Variants in PRKAG2 observed in about 807,000 individuals in gnomAD.
The protein encoded by PRKAG2 is protein kinase AMP-activated non-catalytic subunit gamma 2.
In PRKAG2, 26 loss-of-function variants were observed where a neutral mutation model predicts 69.6. That is an observed-to-expected ratio of 0.37 (90% CI 0.27 to 0.52). The LOEUF is 0.52. Among genes scored for constraint, PRKAG2 ranks in the 20% least tolerant of loss-of-function variants. The pLI, the probability that PRKAG2 is intolerant of heterozygous loss-of-function variation, is 0.90. For missense variants in PRKAG2, 557 were observed against 740.0 expected (o/e 0.75, Z 2.87); for synonymous variants, 293 against 285.0 (o/e 1.03, Z -0.28).
At chr7:151,713,586 A>T (rs1585986641) in intron 3 of PRKAG2, among the ~76,000 whole-genome samples, 4 of 142,108 alleles carry the variant, frequency 2.8e-5, no homozygotes, top group Admixed American at 7.0e-5. Flanking sequence ...TGCTTTTTTA[A>T]TTTTTTTTTT....
rs1554447141 is a variant in PRKAG2, at chr7:151,557,909, A to ATC, written c.1679-678_1679-677insGA. The ATC allele has an allele frequency of 5.1e-6, 5 of 978,920 alleles. No individual in the cohort carries two copies. The South Asian group carries it at 1.9e-4, about 37-fold the overall frequency. The allele number at this position is 978,920 out of a possible 1,614,324, so 60.6% of individuals were successfully genotyped here. On this transcript the variant is annotated intron_variant, in intron 15 of 15. Coordinates refer to ENST00000287878, the MANE Select transcript of PRKAG2 (RefSeq NM_016203.4). The stretch of plus-strand genomic sequence containing the variant: ...AAAAAAACAAAAAAACAAAAAAAAA[A>ATC]CCTTTATAAATATTCTGAAGGATAA...
intron 3 of PRKAG2, among the ~76,000 whole-genome samples, chr7:151,742,689 AGACCAGAC>A (rs1362519244): frequency 6.6e-6 from 1 of 152,146 alleles, no homozygotes; most frequent in African/African-American, 2.4e-5. Flanking sequence ...CTCGCAACAC[AGACCAGAC>A]GAGTCAGGAG....
rs182667734 is a variant in PRKAG2 at position 151,645,576 on chromosome 7, T to A, written c.685-13438A>T. On this transcript the variant is annotated intron_variant, in intron 4 of 15. Coordinates refer to ENST00000287878, the MANE Select transcript of PRKAG2 (RefSeq NM_016203.4). ...TCTCTTACACAACTAGATAATACAA[T>A]GGGTTTTAAAAAAATGCATTTAGGA... is the stretch of plus-strand genomic sequence containing the variant. Among the ~76,000 whole-genome samples the A allele has an allele frequency of 2.2e-4, 33 of 152,266 alleles. No individual in the cohort carries two copies. In the East Asian group the frequency reaches 5.4e-3, roughly 25 times the overall value.
At chr7:151,769,305 A>T (rs1467397851) in intron 3 of PRKAG2, among the ~76,000 whole-genome samples, 1 of 152,224 alleles carries the variant, frequency 6.6e-6, no homozygotes, top group Non-Finnish European at 1.5e-5. Context: ...TTTCCTTTCC[A>T]GAACCTCAGA....
chr7:151,826,420 T>C (rs1387287737), intron 1 of PRKAG2, among the ~76,000 whole-genome samples: 1 of 152,132 alleles, frequency 6.6e-6, no homozygotes, highest in African/African-American at 2.4e-5. Flanking sequence ...TGATCTTAGG[T>C]GATCCACTTG....
At chr7:151,782,365 G>GAAAGA (rs2076747451) in intron 2 of PRKAG2, among the ~76,000 whole-genome samples, 2 of 84,438 alleles carry the variant, frequency 2.4e-5, no homozygotes, top group African/African-American at 1.1e-4. Context: ...GGGAGGGAGG[G>GAAAGA]AGGGAGGGAA....
chr7:151,778,142 C>G (rs4726092), intron 3 of PRKAG2, among the ~76,000 whole-genome samples: 77,234 of 151,924 alleles, frequency 0.51, 21,350 homozygotes, highest in Middle Eastern at 0.67. Context: ...GTTTCCACAC[C>G]ACTGTGATCT....
chr7:151,727,879 G>C (rs1252334784), intron 3 of PRKAG2, among the ~76,000 whole-genome samples: 2 of 152,180 alleles, frequency 1.3e-5, no homozygotes, highest in Non-Finnish European at 2.9e-5. Context: ...AAGCATCTTA[G>C]TGATGTGAGT....
intron 6 of PRKAG2, among the ~76,000 whole-genome samples, chr7:151,584,699 C>T (rs1239051607): frequency 1.3e-5 from 2 of 152,108 alleles, no homozygotes; most frequent in Non-Finnish European, 2.9e-5. Context: ...GGGTTCAAGA[C>T]CCAGCTGGGC....
intron 4 of PRKAG2, among the ~76,000 whole-genome samples, chr7:151,651,600 C>T (rs1197287124): frequency 6.6e-6 from 1 of 152,052 alleles, no homozygotes; most frequent in Non-Finnish European, 1.5e-5. Context: ...GGGCGAGACT[C>T]CACCTAAAAA....
rs2076644050 is a variant in PRKAG2 at position 151,781,097 on chromosome 7, G to A, written c.466+55C>T. The A allele has an allele frequency of 1.9e-6, 3 of 1,608,240 alleles. No homozygotes were observed. Among genetic ancestry groups the A allele is most frequent in the Admixed American group, 3.3e-5 (2 of 59,992 alleles). ...GTGCCACCGTGGATGTGTGGCTGCAGAAGAGACCCCCAGCACCCCAGCACC... is the reference window on the plus strand; with the variant it reads ...GTGCCACCGTGGATGTGTGGCTGCAAAAGAGACCCCCAGCACCCCAGCACC... On this transcript the variant is annotated intron_variant, in intron 3 of 15. Transcript: ENST00000287878. This position sits in a 1 kb window ranked among gnomAD's most constrained non-coding sequence, Gnocchi z 6.1.
chr7:151,644,424 A>G (rs949956453), intron 4 of PRKAG2, among the ~76,000 whole-genome samples: 2 of 152,192 alleles, frequency 1.3e-5, no homozygotes, highest in Non-Finnish European at 2.9e-5. Flanking sequence ...AATTTTGTGT[A>G]TATGGAATCA....
chr7:151,672,291 C>T (rs987319842), intron 4 of PRKAG2, among the ~76,000 whole-genome samples: 10 of 151,522 alleles, frequency 6.6e-5, no homozygotes, highest in Admixed American at 5.3e-4. Context: ...TTAGGAGAGA[C>T]GGGGCTTCAC....
chr7:151,701,345 G>T (rs1368694846), intron 3 of PRKAG2, among the ~76,000 whole-genome samples: 1 of 152,180 alleles, frequency 6.6e-6, no homozygotes, highest in East Asian at 1.9e-4. Flanking sequence ...TCCCCAAAAA[G>T]ATACAATGAA....
At position 151,801,347 on chromosome 7, in the gene PRKAG2, C is replaced by T. The variant is rs368400220; in HGVS notation, c.115-14806G>A. Among the ~76,000 whole-genome samples the T allele has an allele frequency of 2.6e-5, 4 of 152,334 alleles. No homozygotes were observed. The South Asian group carries it at 8.3e-4, about 32-fold the overall frequency. On this transcript the variant is annotated intron_variant, in intron 1 of 15. Transcript: ENST00000287878. ...TCAGAGATTAAATACCTTGCTGGGG[C>T]TGGGCAGCAAGGAAGCTGGGAGAAG...
intron 3 of PRKAG2, 36 bp from the exon 4 acceptor site, chr7:151,675,673 G>C (rs1563401795): frequency 6.4e-7 from 1 of 1,573,274 alleles, no homozygotes; most frequent in South Asian, 1.1e-5. Flanking sequence ...CAGAGGTCCG[G>C]CTTCCAGGAA....
rs1012988382 is a variant in PRKAG2, at chr7:151,693,225, G to C, written c.467-17588C>G. 2.4e-4 allele frequency among the ~76,000 whole-genome samples: 36 copies of C among 152,230 alleles called. 1 individual carries two copies. Among genetic ancestry groups the C allele is most frequent in the Admixed American group, 2.4e-3 (36 of 15,290 alleles). ...TGGCACAGGTCCGAACATGCAGAAA[G>C]CCTGATGATGTCCTGCTGCCCAGGG... On this transcript the variant is annotated intron_variant, in intron 3 of 15. Coordinates refer to ENST00000287878, the MANE Select transcript of PRKAG2 (RefSeq NM_016203.4).
chr7:151,708,732 T>C (rs10480299), intron 3 of PRKAG2, among the ~76,000 whole-genome samples: 39,097 of 152,122 alleles, frequency 0.26, 5,423 homozygotes, highest in African/African-American at 0.3. Flanking sequence ...ACAGGGAACT[T>C]GAGCACAGCA....
intron 3 of PRKAG2, among the ~76,000 whole-genome samples, chr7:151,712,838 C>T (rs1795544877): frequency 6.6e-6 from 1 of 152,242 alleles, no homozygotes; most frequent in Non-Finnish European, 1.5e-5. Context: ...TTACACAAAG[C>T]CTGATGCTTC....
Sources: allele counts gnomAD v4.1 joint callset (sites outside exome capture counted in the v4.1 genomes callset), GRCh38; gene constraint gnomAD v4.1.1; non-coding constraint Gnocchi (gnomAD v3.1); transcripts MANE v1.5; gene names NCBI Gene and HGNC (gene_info 2026-07-23, HGNC 2026-07-21).